The following CEP112 variants were observed in gnomAD, a reference collection of about 807,000 sequenced individuals.
CEP112 encodes the protein centrosomal protein 112.
CEP112 carries 127 observed loss-of-function variants against 153.0 expected under a neutral mutation model. The observed-to-expected ratio is 0.83, with a 90% CI of 0.72 to 0.96. The LOEUF is 0.96. Ranked by LOEUF, CEP112 falls within the 40% of genes least tolerant of loss-of-function variation. The probability of loss-of-function intolerance (pLI) is 0.00; values close to 1 mark genes in which losing one functional copy is unlikely to be tolerated. For synonymous variants in CEP112, 358 were observed against 374.4 expected, an observed-to-expected ratio of 0.96 and a Z score of 0.51; for missense variants, 1,089 against 1,101.2, an observed-to-expected ratio of 0.99 and a Z score of 0.16.
At chr17:65,842,268 T>C (rs1014758744) in intron 21 of CEP112, among the ~76,000 whole-genome samples, 2 of 152,116 alleles carry the variant, frequency 1.3e-5, no homozygotes, top group African/African-American at 4.8e-5. Flanking sequence ...AATTCATTTA[T>C]AATTCTAGGT....
intron 20 of CEP112, among the ~76,000 whole-genome samples, chr17:65,890,998 T>C (rs2059442990): frequency 6.6e-6 from 1 of 152,182 alleles, no homozygotes; most frequent in South Asian, 2.1e-4. Context: ...GTATTCTCCA[T>C]TTATGACAGA....
At chr17:65,740,755 A>G (rs1415188791) in intron 23 of CEP112, among the ~76,000 whole-genome samples, 1 of 152,206 alleles carries the variant, frequency 6.6e-6, no homozygotes, top group Admixed American at 6.5e-5. Context: ...ATTTGGTCCC[A>G]GAAAATCAAG....
chr17:65,744,952 C>A (rs2051356920), intron 22 of CEP112, among the ~76,000 whole-genome samples: 1 of 152,176 alleles, frequency 6.6e-6, no homozygotes, highest in African/African-American at 2.4e-5. Context: ...GTGAGAAACT[C>A]TGGACAAGTT....
intron 23 of CEP112, among the ~76,000 whole-genome samples, chr17:65,720,518 G>T (rs186354939): frequency 6.6e-6 from 1 of 152,322 alleles, no homozygotes; most frequent in African/African-American, 2.4e-5. Flanking sequence ...TACTTCAGGG[G>T]AGTCAAGCTG....
intron 21 of CEP112, among the ~76,000 whole-genome samples, chr17:65,752,037 TCCATCCATC>T (rs1567962241): frequency 1.3e-5 from 2 of 151,788 alleles, no homozygotes; most frequent in Non-Finnish European, 2.9e-5. Context: ...CATCCATCCA[TCCATCCATC>T]CATCCATCCA....
At chr17:65,932,156 G>C (rs966856856) in intron 18 of CEP112, among the ~76,000 whole-genome samples, 5 of 152,298 alleles carry the variant, frequency 3.3e-5, no homozygotes, top group African/African-American at 1.2e-4. Context: ...TCATATAACA[G>C]GCAGCAGCCC....
intron 21 of CEP112, among the ~76,000 whole-genome samples, chr17:65,773,195 T>C (rs965938700): frequency 6.6e-6 from 1 of 152,308 alleles, no homozygotes; most frequent in Non-Finnish European, 1.5e-5. Context: ...GGAAGCATGG[T>C]AGGTAGATTT....
chr17:66,166,276 T>C (rs1211685195), intron 4 of CEP112, among the ~76,000 whole-genome samples: 1 of 152,194 alleles, frequency 6.6e-6, no homozygotes, highest in East Asian at 1.9e-4. Context: ...TTTCTTCCAT[T>C]GTAAAGCAGT....
At chr17:65,751,585 C>T (rs2051853389) in intron 21 of CEP112, among the ~76,000 whole-genome samples, 1 of 152,200 alleles carries the variant, frequency 6.6e-6, no homozygotes, top group Non-Finnish European at 1.5e-5. Flanking sequence ...TGTTTCTCTC[C>T]CTGAGTATGT....
chr17:65,876,631 A>T (rs2058837602), intron 20 of CEP112, among the ~76,000 whole-genome samples: 1 of 152,110 alleles, frequency 6.6e-6, no homozygotes, highest in Non-Finnish European at 1.5e-5. Flanking sequence ...CATTGACTTC[A>T]CTATCATTAT....
At chr17:66,034,045 G>A (rs7225793) in intron 12 of CEP112, among the ~76,000 whole-genome samples, 78,255 of 151,930 alleles carry the variant, frequency 0.52, 21,080 homozygotes, top group African/African-American at 0.59. Flanking sequence ...CCACAATGCC[G>A]ATTGCAAGAC....
intron 21 of CEP112, among the ~76,000 whole-genome samples, chr17:65,788,637 A>G (rs1204782915): frequency 9.9e-5 from 15 of 152,126 alleles, no homozygotes; most frequent in Non-Finnish European, 2.2e-4. Flanking sequence ...AAATGTTTCC[A>G]TCTTATCCAG....
chr17:66,008,181 T>C (rs563838924), intron 16 of CEP112, among the ~76,000 whole-genome samples: 5 of 152,298 alleles, frequency 3.3e-5, no homozygotes, highest in African/African-American at 1.2e-4. Flanking sequence ...AGTTTTGATA[T>C]ATGTATACAT....
chr17:65,799,241 C>G (rs1393858525), intron 21 of CEP112, among the ~76,000 whole-genome samples: 1 of 152,144 alleles, frequency 6.6e-6, no homozygotes, highest in Non-Finnish European at 1.5e-5. Flanking sequence ...CTGTGGCTAA[C>G]AAGAATATCT....
At chr17:65,928,025 T>C in intron 18 of CEP112, among the ~76,000 whole-genome samples, 1 of 152,324 alleles carries the variant, frequency 6.6e-6, no homozygotes, top group South Asian at 2.1e-4. Context: ...TTCCAAATCA[T>C]ATCTCTAATA....
chr17:65,818,437 C>T (rs1483873766), intron 21 of CEP112, among the ~76,000 whole-genome samples: 1 of 151,758 alleles, frequency 6.6e-6, no homozygotes, highest in Non-Finnish European at 1.5e-5. Flanking sequence ...CAAATAATAT[C>T]TCAGCCCCTT....
rs760588631 is a variant in CEP112, at chr17:66,054,106, T to C, written c.1075-227A>G. Among the ~76,000 whole-genome samples the C allele has an allele frequency of 3.3e-5, 5 of 152,314 alleles. 1 individual carries two copies. The East Asian group carries it at 5.8e-4, about 18-fold the overall frequency. Reference sequence around the variant, plus strand: ...TACTTTCCTGAATTGAAAATTTTAATGGATGAACAAATATTAAAAGGAATT... The same window carrying C: ...TACTTTCCTGAATTGAAAATTTTAACGGATGAACAAATATTAAAAGGAATT... On this transcript the variant is annotated intron_variant, in intron 11 of 26. Coordinates refer to ENST00000535342, the MANE Select transcript of CEP112 (RefSeq NM_001199165.4).
chr17:65,961,912 A>C (rs2028618), intron 17 of CEP112, among the ~76,000 whole-genome samples: 62,975 of 152,086 alleles, frequency 0.41, 14,423 homozygotes, highest in East Asian at 0.87. Context: ...ATCCAATGGG[A>C]TATTAGTCAT....
chr17:65,916,250 A>AGTGT (rs3222034), intron 19 of CEP112, among the ~76,000 whole-genome samples: 9,203 of 129,782 alleles, frequency 0.071, 430 homozygotes, highest in East Asian at 0.19. Flanking sequence ...TTTGAAAAAG[A>AGTGT]GTGTGTGTGT....
Sources: gnomAD v4.1 joint callset for allele counts (sites outside exome capture counted in the v4.1 genomes callset) on GRCh38, gnomAD v4.1.1 for gene constraint, MANE v1.5 for transcripts, NCBI Gene and HGNC (gene_info 2026-07-23, HGNC 2026-07-21) for gene names.